The following SEPTIN12 variants were observed in gnomAD, a reference collection of about 807,000 sequenced individuals.
SEPTIN12 encodes septin 12, also known as septin-12.
Under a neutral mutation model 37.7 loss-of-function variants are expected in SEPTIN12, and 42 were observed. That is an observed-to-expected ratio of 1.11 (90% CI 0.87 to 1.44). SEPTIN12 has a LOEUF of 1.44. Among genes scored for constraint, SEPTIN12 ranks in the 40% most tolerant of loss-of-function variants. SEPTIN12 has a pLI of 0.00. For synonymous variants in SEPTIN12, 254 were observed against 196.7 expected, an observed-to-expected ratio of 1.29 and a Z score of -2.44; for missense variants, 613 against 479.2, an observed-to-expected ratio of 1.28 and a Z score of -2.61.
chr16:4,785,111 G>A (rs112943106), intron 4 of SEPTIN12, among the ~76,000 whole-genome samples: 3,924 of 152,200 alleles, frequency 0.026, 79 homozygotes, highest in Non-Finnish European at 0.042. Flanking sequence ...GTAGCCGAGC[G>A]TGTTGGCGGA....
At chr16:4,789,452 A>G (rs2082515934), upstream of SEPTIN12, among the ~76,000 whole-genome samples, 1 of 151,648 alleles carries the variant, frequency 6.6e-6, no homozygotes, top group Admixed American at 6.6e-5. Flanking sequence ...CAGCCTCCCG[A>G]GTAGCTGGGA....
At chr16:4,790,471 T>C (rs535676024), upstream of SEPTIN12, among the ~76,000 whole-genome samples, 1 of 152,264 alleles carries the variant, frequency 6.6e-6, no homozygotes, top group Non-Finnish European at 1.5e-5. Context: ...CGCTCCTTCC[T>C]GGAGGCTTAA....
chr16:4,788,636 G>A (rs955752064), upstream of SEPTIN12: 1 of 152,200 alleles, frequency 6.6e-6, no homozygotes, highest in East Asian at 1.9e-4. Flanking sequence ...CACGATTGGC[G>A]CCATGTGTTT....
chr16:4,788,610 G>A (rs1172315751), upstream of SEPTIN12: 1 of 152,204 alleles, frequency 6.6e-6, no homozygotes, highest in African/African-American at 2.4e-5. Context: ...CAGCTGGCTA[G>A]CGGGATATCC....
At chr16:4,786,151 G>A (rs2082441330) in intron 2 of SEPTIN12, 46 bp from the exon 3 acceptor site, 2 of 1,503,262 alleles carry the variant, frequency 1.3e-6, no homozygotes, top group African/African-American at 1.7e-5. Flanking sequence ...GGCGTTTTAG[G>A]CAGTTTTTCT....
intron 2 of SEPTIN12, among the ~76,000 whole-genome samples, chr16:4,786,455 C>T (rs1482589014): frequency 2.0e-5 from 3 of 151,482 alleles, no homozygotes; most frequent in East Asian, 2.0e-4. Context: ...CCCAGATTCA[C>T]GCCATTCCCC....
chr16:4,784,287 G>T (rs2082409064), intron 4 of SEPTIN12: 2 of 570,042 alleles, frequency 3.5e-6, no homozygotes, highest in Admixed American at 6.0e-5. Context: ...TCTGTAAAAT[G>T]GAGACAATAG....
chr16:4,785,892 T>C lies in SEPTIN12; in HGVS notation c.293-4A>G, dbSNP rs201323898. 132 of 1,428,606 alleles carry C rather than the reference T, an allele frequency of 9.2e-5. 1 individual carries two copies. In the African/African-American group the frequency reaches 1.9e-3, roughly 21 times the overall value. The allele number at this position is 1,428,606 out of a possible 1,614,324, so 88.5% of individuals were successfully genotyped here. The stretch of plus-strand genomic sequence containing the variant: ...TTCACACCCTTCTCCTCTATGACTG[T>C]GGAGGGAGAGCAGAGTCGGGAGAGA... On this transcript the variant is annotated splice_polypyrimidine_tract_variant and splice_region_variant and intron_variant, in intron 3 of 9. Coordinates refer to ENST00000268231, the MANE Select transcript of SEPTIN12 (RefSeq NM_144605.5).
chr16:4,789,408 C>A (rs889196808), upstream of SEPTIN12, among the ~76,000 whole-genome samples: 5 of 151,856 alleles, frequency 3.3e-5, no homozygotes, highest in Non-Finnish European at 5.9e-5. Context: ...TCACTGTAAG[C>A]TCTGCCTCCC....
At position 4,779,796 on chromosome 16, in the gene SEPTIN12, G is replaced by A; in HGVS notation, c.727-10C>T. 6.3e-7 allele frequency: 1 copy of A among 1,590,710 alleles called. No homozygotes were observed. The highest frequency in any genetic ancestry group is 2.2e-5 in the East Asian group (1 of 44,764). On this transcript the variant is annotated splice_polypyrimidine_tract_variant and intron_variant, in intron 7 of 9. Transcript: ENST00000268231. ...CAAAAGGGATTCGGTCCTGGGAAAG[G>A]AGAAGACACAGAGATGGGAGGATTG...
At chr16:4,779,580 C>CT (rs2082350155) in intron 8 of SEPTIN12, 110 bp downstream of exon 8, 1 of 765,340 alleles carries the variant, frequency 1.3e-6, no homozygotes, top group African/African-American at 1.7e-5. Context: ...GGCTCTTTGT[C>CT]TAGTGGGCTT....
upstream of SEPTIN12, among the ~76,000 whole-genome samples, chr16:4,791,634 A>G (rs1300442820): frequency 6.6e-6 from 1 of 152,114 alleles, no homozygotes; most frequent in Non-Finnish European, 1.5e-5. Context: ...TCCCTGCCAC[A>G]GCCTCCTCCT....
chr16:4,787,169 C>T (rs934296766), intron 2 of SEPTIN12, among the ~76,000 whole-genome samples: 1 of 152,152 alleles, frequency 6.6e-6, no homozygotes, highest in Admixed American at 6.6e-5. Context: ...AGCCACCATG[C>T]CCGGCCTCAT....
rs1053074479 is a variant in SEPTIN12, at chr16:4,784,188, G to C, written c.375-120C>G. ...ACGACGAATCGTCCCGGTTGGCCCG[G>C]GACCTGTGGGTCACCCCGGTACTTT... On this transcript the variant is annotated intron_variant, in intron 4 of 9. Coordinates refer to ENST00000268231, the MANE Select transcript of SEPTIN12 (RefSeq NM_144605.5). 5 of 1,134,204 alleles carry C rather than the reference G, an allele frequency of 4.4e-6. No individual in the cohort carries two copies. In the African/African-American group the frequency reaches 6.1e-5, roughly 14 times the overall value. The allele number at this position is 1,134,204 out of a possible 1,614,324, so 70.3% of individuals were successfully genotyped here.
Position 4,783,917 on chromosome 16 carries a change from T to C in SEPTIN12, c.512+14A>G. ...GTGCAGGTGGTCCTCGCCTTGCAGG[T>C]GCAGCCCCCTCACCAGTGCCCAGTG... On this transcript the variant is annotated intron_variant, in intron 5 of 9. Coordinates refer to ENST00000268231, the MANE Select transcript of SEPTIN12 (RefSeq NM_144605.5). 3 of 1,613,946 alleles carry C rather than the reference T, an allele frequency of 1.9e-6. No individual in the cohort carries two copies. Among genetic ancestry groups the C allele is most frequent in the Non-Finnish European group, 2.5e-6 (3 of 1,179,886 alleles).
intron 4 of SEPTIN12, among the ~76,000 whole-genome samples, chr16:4,785,447 G>T (rs186498891): frequency 1.9e-3 from 291 of 151,996 alleles, no homozygotes; most frequent in African/African-American, 6.5e-3. Flanking sequence ...CGGACAGGAG[G>T]GGACAGCCAT....
intron 7 of SEPTIN12, 43 bp downstream of exon 7, chr16:4,783,419 G>C (rs1479858412): frequency 7.2e-6 from 10 of 1,395,378 alleles, no homozygotes; most frequent in Non-Finnish European, 7.1e-6. Flanking sequence ...GGATGTGTGG[G>C]AAGGAAATCA....
intron 1 of SEPTIN12, 106 bp from the exon 2 acceptor site, chr16:4,787,773 C>T (rs1472212726): frequency 3.3e-6 from 2 of 610,808 alleles, no homozygotes; most frequent in Non-Finnish European, 5.8e-6. Context: ...GGCCAACCCC[C>T]TCCACACTTC....
Position 4,784,068 on chromosome 16 carries a change from G to C in SEPTIN12, c.375C>G (p.Cys125Trp), listed in dbSNP as rs202232443. The change falls in exon 5 of 10, where the codon TGC (cysteine) becomes TGG (tryptophan). Residue 125 changes from cysteine to tryptophan, a missense_variant and splice_region_variant. Cys to Trp is a radical substitution (Grantham distance 215). Transcript: ENST00000268231. ...TGATGTAGCCCAGGATGGGGTCCCA[G>C]CTGAGGCGGGAGGTGGACCCTCCCC... ...GFGDQINNDN[C>W]WDPILGYINE... The C allele has an allele frequency of 6.2e-7, 1 of 1,614,016 alleles. No homozygotes were observed. The highest frequency in any genetic ancestry group is 8.5e-7 in the Non-Finnish European group (1 of 1,179,972).
Sources: allele counts gnomAD v4.1 joint callset (sites outside exome capture counted in the v4.1 genomes callset), GRCh38; gene constraint gnomAD v4.1.1; transcripts MANE v1.5; gene names NCBI Gene and HGNC (gene_info 2026-07-23, HGNC 2026-07-21).